The following TSHZ2 variants were observed in gnomAD, a reference collection of about 807,000 sequenced individuals.
TSHZ2 encodes teashirt homolog 2.
Under a neutral mutation model 74.4 loss-of-function variants are expected in TSHZ2, and 21 were observed. That is an observed-to-expected ratio of 0.28 (90% CI 0.20 to 0.41). The LOEUF (loss-of-function observed/expected upper bound fraction) is 0.41. TSHZ2 is among the 10% of genes least tolerant of loss of function. The pLI, the probability that TSHZ2 is intolerant of heterozygous loss-of-function variation, is 1.00. For missense variants in TSHZ2, 1,244 were observed against 1,293.5 expected, an observed-to-expected ratio of 0.96 and a Z score of 0.59; for synonymous variants, 540 against 515.3, an observed-to-expected ratio of 1.05 and a Z score of -0.65.
intron 1 of TSHZ2, among the ~76,000 whole-genome samples, chr20:53,191,282 G>GT (rs1988731847): frequency 6.6e-6 from 1 of 152,102 alleles, no homozygotes; most frequent in Non-Finnish European, 1.5e-5. Context: ...GGTTTTATGA[G>GT]TTTTCATGGT....
At chr20:53,327,495 A>C (rs1272009176) in intron 2 of TSHZ2, among the ~76,000 whole-genome samples, 1 of 152,216 alleles carries the variant, frequency 6.6e-6, no homozygotes, top group Non-Finnish European at 1.5e-5. Flanking sequence ...CAAAAAAAGA[A>C]AAAAGAAATG....
At chr20:53,238,062 C>T (rs532600024) in intron 1 of TSHZ2, among the ~76,000 whole-genome samples, 90 of 152,192 alleles carry the variant, frequency 5.9e-4, no homozygotes, top group African/African-American at 2.0e-3. Context: ...TACTAACATG[C>T]CTTTGTGTTC....
chr20:53,140,136 T>A (rs973439720), intron 1 of TSHZ2, among the ~76,000 whole-genome samples: 2 of 152,084 alleles, frequency 1.3e-5, no homozygotes, highest in Admixed American at 1.3e-4. Context: ...TTTACTGTAG[T>A]GGGGAGAAAG....
chr20:53,049,434 C>T (rs1264281359), intron 1 of TSHZ2, among the ~76,000 whole-genome samples: 1 of 152,184 alleles, frequency 6.6e-6, no homozygotes. Context: ...TCACCTCCTC[C>T]AGGAACCATT....
chr20:53,232,015 G>C (rs1482039950), intron 1 of TSHZ2, among the ~76,000 whole-genome samples: 1 of 152,114 alleles, frequency 6.6e-6, no homozygotes, highest in Non-Finnish European at 1.5e-5. Context: ...CTCCCAAACA[G>C]CTGAGACTAC....
intron 1 of TSHZ2, among the ~76,000 whole-genome samples, chr20:53,134,021 T>C (rs1012379953): frequency 2.7e-5 from 4 of 150,698 alleles, no homozygotes; most frequent in African/African-American, 9.8e-5. Flanking sequence ...TGATACTATC[T>C]GGAGAAACAG....
At chr20:53,001,209 T>C (rs1171377162) in intron 1 of TSHZ2, among the ~76,000 whole-genome samples, 124 of 102,570 alleles carry the variant, frequency 1.2e-3, no homozygotes, top group African/African-American at 3.7e-3. Context: ...CATGTGCGTG[T>C]GTGTGTGTGT....
chr20:53,118,629 G>A (rs912817281), intron 1 of TSHZ2, among the ~76,000 whole-genome samples: 1 of 152,128 alleles, frequency 6.6e-6, no homozygotes, highest in African/African-American at 2.4e-5. Context: ...CATCAGTTAT[G>A]GGTGTCAGGG....
intron 2 of TSHZ2, among the ~76,000 whole-genome samples, chr20:53,448,474 G>A (rs1984646628): frequency 6.6e-6 from 1 of 152,164 alleles, no homozygotes; most frequent in African/African-American, 2.4e-5. Context: ...AAGGAACTCA[G>A]ATAAGACAAA....
chr20:53,131,819 A>ACCCCC (rs34289663), intron 1 of TSHZ2, among the ~76,000 whole-genome samples: 2 of 95,402 alleles, frequency 2.1e-5, no homozygotes, highest in Non-Finnish European at 4.2e-5. Context: ...TTGAATGACA[A>ACCCCC]CCCCCCCCCC....
chr20:53,007,303 T>C (rs1015203181), intron 1 of TSHZ2, among the ~76,000 whole-genome samples: 1 of 152,090 alleles, frequency 6.6e-6, no homozygotes, highest in Non-Finnish European at 1.5e-5. Context: ...CACGATCGGC[T>C]CCAGTGAGAA....
At chr20:53,045,285 C>T (rs901207186) in intron 1 of TSHZ2, among the ~76,000 whole-genome samples, 8 of 152,310 alleles carry the variant, frequency 5.3e-5, no homozygotes, top group African/African-American at 7.2e-5. Context: ...TTTCTCTCAA[C>T]CTTCCGTGAT....
chr20:53,213,106 A>C lies in TSHZ2; in HGVS notation c.41-40393A>C, dbSNP rs1357634836. 2.0e-5 allele frequency among the ~76,000 whole-genome samples: 3 copies of C among 152,226 alleles called. No homozygotes were observed. The South Asian group carries it at 6.2e-4, about 32-fold the overall frequency. Reference sequence around the variant, plus strand: ...ATGTAATTAATAGTATGGAGGGTTAAGTTTCAGTTTTTGTTGATTTATGGA... The same window carrying C: ...ATGTAATTAATAGTATGGAGGGTTACGTTTCAGTTTTTGTTGATTTATGGA... On this transcript the variant is annotated intron_variant, in intron 1 of 2. Coordinates refer to ENST00000371497, the MANE Select transcript of TSHZ2 (RefSeq NM_173485.6).
intron 2 of TSHZ2, among the ~76,000 whole-genome samples, chr20:53,283,753 T>C (rs1991109575): frequency 6.6e-6 from 1 of 152,196 alleles, no homozygotes; most frequent in Admixed American, 6.5e-5. Flanking sequence ...TATAGCAAAG[T>C]GAGGTCATCC....
intron 2 of TSHZ2, among the ~76,000 whole-genome samples, chr20:53,260,579 A>C (rs1281686201): frequency 6.6e-6 from 1 of 152,190 alleles, no homozygotes; most frequent in East Asian, 1.9e-4. Flanking sequence ...GATGGGGAAC[A>C]GTGGTCTCAG....
chr20:53,204,616 C>G (rs753397067), intron 1 of TSHZ2, among the ~76,000 whole-genome samples: 1 of 152,068 alleles, frequency 6.6e-6, no homozygotes, highest in Non-Finnish European at 1.5e-5. Context: ...TCACTTGCAA[C>G]AAAAACAGAG....
chr20:53,037,133 G>A (rs998580922), intron 1 of TSHZ2, among the ~76,000 whole-genome samples: 4 of 152,006 alleles, frequency 2.6e-5, no homozygotes, highest in Non-Finnish European at 4.4e-5. Context: ...CTTTCCCTAT[G>A]ATGAATTTTC....
chr20:53,432,522 A>G (rs538711854), intron 2 of TSHZ2, among the ~76,000 whole-genome samples: 28 of 152,308 alleles, frequency 1.8e-4, no homozygotes, highest in African/African-American at 6.7e-4. Flanking sequence ...TAGTAGTTCT[A>G]TTATTAGTTC....
At chr20:53,333,039 C>T (rs1190067565) in intron 2 of TSHZ2, among the ~76,000 whole-genome samples, 1 of 152,162 alleles carries the variant, frequency 6.6e-6, no homozygotes, top group East Asian at 1.9e-4. Flanking sequence ...TCTCAGAACT[C>T]AGATCTCAAC....
Sources: gnomAD v4.1 joint callset for allele counts (sites outside exome capture counted in the v4.1 genomes callset) on GRCh38, gnomAD v4.1.1 for gene constraint, MANE v1.5 for transcripts, NCBI Gene and HGNC (gene_info 2026-07-23, HGNC 2026-07-21) for gene names.